The following GFRAL variants were observed in gnomAD, a reference collection of about 807,000 sequenced individuals.
The protein encoded by GFRAL is GDNF family receptor alpha like, also known as GDNF family receptor alpha-like.
Under a neutral mutation model 45.4 loss-of-function variants are expected in GFRAL, and 36 were observed. That is an observed-to-expected ratio of 0.79 (90% CI 0.61 to 1.05). GFRAL has a LOEUF of 1.05. Among genes scored for constraint, GFRAL ranks in the 50% least tolerant of loss-of-function variants. The pLI is 0.00. For missense variants in GFRAL, 507 were observed against 467.5 expected (o/e 1.08, Z -0.78); for synonymous variants, 166 against 154.1 (o/e 1.08, Z -0.57).
chr6:55,400,593 A>T (rs1300990948), intron 8 of GFRAL, among the ~76,000 whole-genome samples: 2 of 152,152 alleles, frequency 1.3e-5, no homozygotes, highest in East Asian at 3.8e-4. Context: ...CACTGTTTGG[A>T]CCCAATCCCT....
chr6:55,383,233 T>A (rs1332349921), intron 6 of GFRAL, among the ~76,000 whole-genome samples: 1 of 151,550 alleles, frequency 6.6e-6, no homozygotes, highest in Non-Finnish European at 1.5e-5. Flanking sequence ...GGTCTAAGGA[T>A]CACATTTTAA....
chr6:55,390,895 T>TACACACAC (rs34769114), intron 6 of GFRAL, among the ~76,000 whole-genome samples: 3,668 of 135,490 alleles, frequency 0.027, 74 homozygotes, highest in African/African-American at 0.055. Context: ...CTCACACACA[T>TACACACAC]ACACACACAC....
At chr6:55,400,854 A>G (rs924586019) in intron 8 of GFRAL, among the ~76,000 whole-genome samples, 1 of 152,180 alleles carries the variant, frequency 6.6e-6, no homozygotes, top group African/African-American at 2.4e-5. Context: ...TCCATGACAA[A>G]CATTGTTACA....
rs139944211 is a variant in GFRAL, at chr6:55,350,146, G to A, written c.370+1G>A. 1.4e-5 allele frequency: 21 copies of A among 1,517,560 alleles called. No individual in the cohort carries two copies. The highest frequency in any genetic ancestry group is 1.8e-5 in the Non-Finnish European group (20 of 1,093,946). 94.0% of individuals were successfully genotyped at this position (1,517,560 alleles called of 1,614,324 possible). ...AATCTAACTACACGTTCCCATCATGGTAATGTTTTTAAGTTATTATTTTGA... is the reference window on the plus strand; with the variant it reads ...AATCTAACTACACGTTCCCATCATGATAATGTTTTTAAGTTATTATTTTGA... On this transcript the variant is annotated splice_donor_variant, in intron 4 of 8. Coordinates refer to ENST00000340465, the MANE Select transcript of GFRAL (RefSeq NM_207410.2). LOFTEE classifies it high-confidence loss of function.
intron 6 of GFRAL, among the ~76,000 whole-genome samples, chr6:55,395,454 TAATTC>T (rs1768812659): frequency 6.6e-6 from 1 of 151,918 alleles, no homozygotes; most frequent in Non-Finnish European, 1.5e-5. Flanking sequence ...TTGTGTAATA[TAATTC>T]AAGGTAAAAA....
intron 6 of GFRAL, among the ~76,000 whole-genome samples, chr6:55,373,097 A>C (rs1768473882): frequency 6.6e-6 from 1 of 151,974 alleles, no homozygotes; most frequent in African/African-American, 2.4e-5. Context: ...CAAAAAAAAA[A>C]AAAAACTTCT....
At chr6:55,355,387 G>A (rs1562054202) in intron 5 of GFRAL, among the ~76,000 whole-genome samples, 1 of 152,042 alleles carries the variant, frequency 6.6e-6, no homozygotes, top group East Asian at 1.9e-4. Flanking sequence ...TGTTTGAATG[G>A]CTATAGAGTA....
rs760228908 is a variant in GFRAL at position 55,399,255 on chromosome 6, GA to G, written c.1029del (p.His345IlefsTer8). 12 of 1,599,818 alleles carry G rather than the reference GA, an allele frequency of 7.5e-6. No individual in the cohort carries two copies. Among genetic ancestry groups the G allele is most frequent in the Non-Finnish European group, 9.4e-6 (11 of 1,168,868 alleles). ...RKHANKITLT[G>X]FHSPFNGEVI... ...CATGCAAACAAAATCACTTTAACTG[GA>G]TTTCATTCCCCCTTCAATGGTCAGT... On this transcript the variant is annotated frameshift_variant, in exon 7 of 9. Coordinates refer to ENST00000340465, the MANE Select transcript of GFRAL (RefSeq NM_207410.2). LOFTEE classifies it high-confidence loss of function.
chr6:55,386,817 A>G (rs758072189), intron 6 of GFRAL, among the ~76,000 whole-genome samples: 4 of 152,138 alleles, frequency 2.6e-5, no homozygotes, highest in East Asian at 1.9e-4. Flanking sequence ...AAAAATTCCC[A>G]ATAAAATCCA....
At chr6:55,387,180 T>C (rs561352146) in intron 6 of GFRAL, among the ~76,000 whole-genome samples, 1 of 152,256 alleles carries the variant, frequency 6.6e-6, no homozygotes, top group Non-Finnish European at 1.5e-5. Context: ...AAAGGAGCAT[T>C]TAAGATCATG....
At chr6:55,379,160 A>C (rs1279311190) in intron 6 of GFRAL, among the ~76,000 whole-genome samples, 3 of 151,942 alleles carry the variant, frequency 2.0e-5, no homozygotes, top group Non-Finnish European at 4.4e-5. Flanking sequence ...CTTTATTTTT[A>C]TATTTTTAAC....
intron 6 of GFRAL, among the ~76,000 whole-genome samples, chr6:55,378,605 A>G (rs907035486): frequency 6.6e-6 from 1 of 151,976 alleles, no homozygotes; most frequent in African/African-American, 2.4e-5. Context: ...AATCTGAGAC[A>G]GAAAAATTTG....
chr6:55,356,774 T>C (rs1768200857), intron 5 of GFRAL, among the ~76,000 whole-genome samples: 1 of 151,890 alleles, frequency 6.6e-6, no homozygotes, highest in South Asian at 2.1e-4. Flanking sequence ...TTCTTTAAGA[T>C]GCGTTGCTAA....
In GFRAL at chr6:55,351,532, C is replaced by A; in HGVS notation, c.650C>A (p.Pro217His). 6.2e-7 allele frequency: 1 copy of A among 1,608,236 alleles called. No individual in the cohort carries two copies. The highest frequency in any genetic ancestry group is 8.5e-7 in the Non-Finnish European group (1 of 1,175,278). Residue 217 changes from proline (P) to histidine (H), a missense_variant, in exon 5 of 9, where the codon CCC becomes CAC. Coordinates refer to ENST00000340465, the MANE Select transcript of GFRAL (RefSeq NM_207410.2). ...ACATGTGCAGTGAACATGGTTCCAC[C>A]CCCTACTTGCCTCAGTGTAATTCGC... ...SKTCAVNMVP[P>H]PTCLSVIRSC...
chr6:55,362,127 A>G (rs940915825), intron 6 of GFRAL, among the ~76,000 whole-genome samples: 15 of 151,994 alleles, frequency 9.9e-5, no homozygotes, highest in Non-Finnish European at 2.1e-4. Context: ...AAGTTTCAAA[A>G]ACACTTTCTT....
At chr6:55,390,625 C>T (rs758756911) in intron 6 of GFRAL, among the ~76,000 whole-genome samples, 2 of 151,998 alleles carry the variant, frequency 1.3e-5, no homozygotes, top group Non-Finnish European at 2.9e-5. Flanking sequence ...CGTGGTGGCT[C>T]ACACCTGTAA....
chr6:55,387,802 A>T (rs2127364731), intron 6 of GFRAL, among the ~76,000 whole-genome samples: 3 of 152,324 alleles, frequency 2.0e-5, no homozygotes, highest in Middle Eastern at 6.8e-3. Context: ...TCTCAGGCTA[A>T]AAGTTGCAAG....
chr6:55,352,409 G>T (rs768378059), intron 5 of GFRAL, among the ~76,000 whole-genome samples: 1 of 152,084 alleles, frequency 6.6e-6, no homozygotes, highest in Non-Finnish European at 1.5e-5. Flanking sequence ...TATCTGGGCT[G>T]TCCATTGATC....
chr6:55,399,510 C>T (rs1390330958), intron 8 of GFRAL, 69 bp downstream of exon 8: 6 of 1,000,202 alleles, frequency 6.0e-6, no homozygotes, highest in Non-Finnish European at 9.6e-6. Flanking sequence ...GCATGTTGCA[C>T]AATGGCTGAG....
Sources: gnomAD v4.1 joint callset for allele counts (sites outside exome capture counted in the v4.1 genomes callset) on GRCh38, gnomAD v4.1.1 for gene constraint, MANE v1.5 for transcripts, NCBI Gene and HGNC (gene_info 2026-07-23, HGNC 2026-07-21) for gene names.